The following ARHGEF7 variants were observed in gnomAD, a reference collection of about 807,000 sequenced individuals.
ARHGEF7 encodes PAK-interacting exchange factor beta.
Under a neutral mutation model 109.8 loss-of-function variants are expected in ARHGEF7, and 33 were observed. That is an observed-to-expected ratio of 0.30 (90% confidence interval 0.23 to 0.40). ARHGEF7 has a LOEUF of 0.40. Among genes scored for constraint, ARHGEF7 ranks in the 10% least tolerant of loss-of-function variants. The probability of loss-of-function intolerance (pLI) is 1.00; values close to 1 mark genes in which losing one functional copy is unlikely to be tolerated. For missense variants in ARHGEF7, 938 were observed against 1,098.5 expected (o/e 0.85, Z 2.07); for synonymous variants, 458 against 424.6 (o/e 1.08, Z -0.97).
chr13:111,166,616 G>A (rs892376515), intron 2 of ARHGEF7, among the ~76,000 whole-genome samples: 3 of 152,190 alleles, frequency 2.0e-5, no homozygotes, highest in Non-Finnish European at 4.4e-5. Context: ...TTTACAGATG[G>A]ACTAGATGGG....
intron 1 of ARHGEF7, among the ~76,000 whole-genome samples, chr13:111,139,508 G>A (rs1834823140): frequency 6.6e-6 from 1 of 152,172 alleles, no homozygotes; most frequent in South Asian, 2.1e-4. Flanking sequence ...GTTGAAGAAT[G>A]AAAGCCACCC....
intron 1 of ARHGEF7, among the ~76,000 whole-genome samples, chr13:111,123,844 C>T (rs1048517922): frequency 7.3e-6 from 1 of 136,092 alleles, no homozygotes; most frequent in East Asian, 2.3e-4. Flanking sequence ...AACTGGCCAT[C>T]GTTGGCTGGT....
intron 2 of ARHGEF7, among the ~76,000 whole-genome samples, chr13:111,172,277 G>A (rs1264654203): frequency 5.9e-5 from 9 of 152,010 alleles, no homozygotes; most frequent in Admixed American, 5.9e-4. Context: ...GGTCCTGGAA[G>A]TATATATTCT....
At chr13:111,143,546 TC>T (rs2153361888) in intron 1 of ARHGEF7, 1 of 152,340 alleles carries the variant, frequency 6.6e-6, no homozygotes, top group South Asian at 2.1e-4. Flanking sequence ...TCATTTACAG[TC>T]TGTTTCCATT....
intron 5 of ARHGEF7, among the ~76,000 whole-genome samples, chr13:111,226,611 C>T (rs999420797): frequency 6.6e-6 from 1 of 152,116 alleles, no homozygotes; most frequent in Non-Finnish European, 1.5e-5. Context: ...AAAAAGATTC[C>T]CTTGAGCATG....
chr13:111,292,935 C>T (rs1050104982), intron 19 of ARHGEF7: 23 of 986,150 alleles, frequency 2.3e-5, no homozygotes, highest in African/African-American at 1.9e-4. Context: ...CAGAGCTTGT[C>T]TCCACCTCAC....
Position 111,194,798 on chromosome 13 carries a change from G to C in ARHGEF7, c.253-10491G>C, listed in dbSNP as rs192627845. Among the ~76,000 whole-genome samples the C allele has an allele frequency of 2.6e-3, 397 of 152,338 alleles. 1 individual carries two copies. Among genetic ancestry groups the C allele is most frequent in the Non-Finnish European group, 4.4e-3 (298 of 68,030 alleles). Reference sequence around the variant, plus strand: ...GGGCCAAGACTGTCCATGTAAGTTGGGATGTGTGGTCTGTGGGATCCTCAA... The same window carrying C: ...GGGCCAAGACTGTCCATGTAAGTTGCGATGTGTGGTCTGTGGGATCCTCAA... On this transcript the variant is annotated intron_variant, in intron 2 of 21. Transcript: ENST00000646102.
intron 1 of ARHGEF7, among the ~76,000 whole-genome samples, chr13:111,137,095 A>T (rs1042986790): frequency 6.6e-6 from 1 of 152,242 alleles, no homozygotes; most frequent in Admixed American, 6.5e-5. Flanking sequence ...AAATTGAGGC[A>T]ATAATTAATA....
chr13:111,230,203 A>G (rs977443859), intron 5 of ARHGEF7, among the ~76,000 whole-genome samples: 7 of 152,130 alleles, frequency 4.6e-5, no homozygotes, highest in Admixed American at 2.0e-4. Context: ...TGCCCCAGTC[A>G]GCCCTTGGAA....
At chr13:111,206,854 C>T (rs968993837) in intron 3 of ARHGEF7, among the ~76,000 whole-genome samples, 13 of 149,058 alleles carry the variant, frequency 8.7e-5, no homozygotes, top group Admixed American at 6.7e-5. Context: ...CCCAGCTACT[C>T]GGGAGGCTGA....
intron 14 of ARHGEF7, 21 bp downstream of exon 14, chr13:111,280,371 G>T (rs758516395): frequency 6.2e-7 from 1 of 1,609,760 alleles, no homozygotes; most frequent in East Asian, 2.2e-5. Flanking sequence ...CAAGCTGTGT[G>T]AGTGCTGTGT....
At chr13:111,229,768 G>T (rs1041659989) in intron 5 of ARHGEF7, among the ~76,000 whole-genome samples, 5 of 152,146 alleles carry the variant, frequency 3.3e-5, no homozygotes, top group Admixed American at 1.3e-4. Flanking sequence ...AGACTTTTTT[G>T]TCCCAGGCAG....
At chr13:111,143,537 C>T (rs541357326) in intron 1 of ARHGEF7, 1 of 152,316 alleles carries the variant, frequency 6.6e-6, no homozygotes, top group East Asian at 1.9e-4. Context: ...GCCATGCCAT[C>T]ATTTACAGTC....
intron 3 of ARHGEF7, among the ~76,000 whole-genome samples, chr13:111,207,427 C>T (rs1021936247): frequency 2.6e-5 from 4 of 152,184 alleles, no homozygotes; most frequent in East Asian, 3.8e-4. Flanking sequence ...CTTGGCCTCC[C>T]GAAGTGCTGA....
chr13:111,180,181 G>A (rs2078600686), intron 2 of ARHGEF7, among the ~76,000 whole-genome samples: 1 of 152,198 alleles, frequency 6.6e-6, no homozygotes. Flanking sequence ...GCAAGTTGTG[G>A]GATGTGGGAG....
chr13:111,245,487 A>G (rs1241051042), intron 8 of ARHGEF7, among the ~76,000 whole-genome samples: 3 of 152,132 alleles, frequency 2.0e-5, no homozygotes, highest in Non-Finnish European at 4.4e-5. Flanking sequence ...TCACCTTTTC[A>G]AATTGCTTCA....
intron 21 of ARHGEF7, among the ~76,000 whole-genome samples, chr13:111,302,780 A>G (rs946183234): frequency 2.0e-5 from 3 of 152,166 alleles, no homozygotes; most frequent in African/African-American, 7.2e-5. Flanking sequence ...GACCATTTCC[A>G]TCCCGGGAAC....
chr13:111,263,523 A>G (rs988028072), intron 8 of ARHGEF7, among the ~76,000 whole-genome samples: 35 of 152,362 alleles, frequency 2.3e-4, no homozygotes, highest in Admixed American at 2.0e-3. Context: ...AGCATAGCCC[A>G]TGGCCCAGCA....
intron 17 of ARHGEF7, among the ~76,000 whole-genome samples, chr13:111,287,332 T>C (rs2153617676): frequency 6.6e-6 from 1 of 152,308 alleles, no homozygotes; most frequent in South Asian, 2.1e-4. Context: ...GGCTTCTCTC[T>C]GAGAGGGCTG....
Sources: allele counts gnomAD v4.1 joint callset (sites outside exome capture counted in the v4.1 genomes callset), GRCh38; gene constraint gnomAD v4.1.1; transcripts MANE v1.5; gene names NCBI Gene and HGNC (gene_info 2026-07-23, HGNC 2026-07-21).